The following HTR2C variants were observed in gnomAD, a reference collection of about 807,000 sequenced individuals.
The protein encoded by HTR2C is 5-hydroxytryptamine (serotonin) receptor 2C, G protein-coupled.
HTR2C carries 5 observed loss-of-function variants against 21.0 expected under a neutral mutation model. That is an observed-to-expected ratio of 0.24 (90% CI 0.12 to 0.50). The LOEUF (loss-of-function observed/expected upper bound fraction) is 0.50. Ranked by LOEUF, HTR2C falls within the 20% of genes least tolerant of loss-of-function variation. The pLI is 0.98. For missense variants in HTR2C, 271 were observed against 371.2 expected, an observed-to-expected ratio of 0.73 and a Z score of 2.22; for synonymous variants, 150 against 145.3, an observed-to-expected ratio of 1.03 and a Z score of -0.23.
chrX:114,761,006 T>C (rs1428138565), intron 4 of HTR2C, among the ~76,000 whole-genome samples: 1 of 112,002 alleles, frequency 8.9e-6, no homozygotes, highest in Non-Finnish European at 1.9e-5. Context: ...GGTTACTTTG[T>C]TATGGAAATG....
At chrX:114,852,781 G>A (rs1214654207) in intron 5 of HTR2C, among the ~76,000 whole-genome samples, 1 of 110,178 alleles carries the variant, frequency 9.1e-6, no homozygotes, top group African/African-American at 3.3e-5. Context: ...GTGTGTGTGT[G>A]TGTGTGTGTG....
At position 114,879,027 on chromosome X, in the gene HTR2C, T is replaced by C. The variant is rs1462823069; in HGVS notation, c.551-27562T>C. ...TGTTCATAGTACTATTTAGGTTTAT[T>C]ATATATTTTTTACTTTTCTGTCTTC... On this transcript the variant is annotated intron_variant, in intron 5 of 5. Coordinates refer to ENST00000276198, the MANE Select transcript of HTR2C (RefSeq NM_000868.4). Among the ~76,000 whole-genome samples, 8 of 110,296 alleles carry C rather than the reference T, an allele frequency of 7.3e-5. No individual in the cohort carries two copies. The Admixed American group carries it at 7.8e-4, about 11-fold the overall frequency.
intron 4 of HTR2C, among the ~76,000 whole-genome samples, chrX:114,811,448 G>T (rs1483242750): frequency 8.9e-6 from 1 of 111,872 alleles, no homozygotes; most frequent in Non-Finnish European, 1.9e-5. Flanking sequence ...AATGTTCAAA[G>T]AACATATAGA....
At chrX:114,803,624 G>C (rs1156311455) in intron 4 of HTR2C, among the ~76,000 whole-genome samples, 1 of 102,176 alleles carries the variant, frequency 9.8e-6, no homozygotes, top group African/African-American at 3.5e-5. Context: ...TGTAGATTCT[G>C]GATATTAGCC....
chrX:114,892,349 A>C (rs2071264704), intron 5 of HTR2C, among the ~76,000 whole-genome samples: 1 of 111,911 alleles, frequency 8.9e-6, no homozygotes, highest in South Asian at 3.7e-4. Flanking sequence ...TAGTTACCTT[A>C]GTAGATGAAG....
intron 5 of HTR2C, among the ~76,000 whole-genome samples, chrX:114,868,301 A>G (rs868967254): frequency 9.0e-6 from 1 of 110,903 alleles, no homozygotes; most frequent in African/African-American, 3.3e-5. Context: ...TTTTTAGATA[A>G]TAATTTCTTT....
intron 2 of HTR2C, among the ~76,000 whole-genome samples, chrX:114,629,832 G>A (rs1184850819): frequency 9.0e-6 from 1 of 110,932 alleles, no homozygotes; most frequent in African/African-American, 3.3e-5. Flanking sequence ...ATTTGGTAAG[G>A]CAGCATACCA....
chrX:114,756,626 C>A (rs1423378491), intron 4 of HTR2C, among the ~76,000 whole-genome samples: 2 of 111,965 alleles, frequency 1.8e-5, no homozygotes, highest in African/African-American at 6.5e-5. Flanking sequence ...ATTTCTATGA[C>A]AAAATTATAG....
At chrX:114,775,631 T>A in intron 4 of HTR2C, 1 of 501,141 alleles carries the variant, frequency 2.0e-6, no homozygotes, top group South Asian at 2.6e-5. Flanking sequence ...GTTTTCAGAT[T>A]TGTCTCCAGA....
rs782518357 is a variant in HTR2C at position 114,611,616 on chromosome X, A to G, written c.-146-2199A>G. 2.7e-5 allele frequency among the ~76,000 whole-genome samples: 3 copies of G among 112,861 alleles called. No homozygotes were observed. In the South Asian group the frequency reaches 1.1e-3, roughly 40 times the overall value. On this transcript the variant is annotated intron_variant, in intron 1 of 5. Transcript: ENST00000276198. ...TCAATAAATCTGTGCTGTAAAAGAG[A>G]CAAAAAATGTTGGTTCAAATTTATA... is the stretch of plus-strand genomic sequence containing the variant.
At chrX:114,677,359 C>A (rs782102893) in intron 2 of HTR2C, among the ~76,000 whole-genome samples, 1 of 110,966 alleles carries the variant, frequency 9.0e-6, no homozygotes, top group Non-Finnish European at 1.9e-5. Context: ...AAGGAAGAGA[C>A]AGATTCAGAC....
intron 4 of HTR2C, among the ~76,000 whole-genome samples, chrX:114,803,729 C>G (rs6579505): frequency 9.5e-6 from 1 of 105,428 alleles, no homozygotes; most frequent in Non-Finnish European, 2.0e-5. Context: ...AGAAGCTCTT[C>G]AGTTTAATTA....
chrX:114,739,104 T>TA (rs1450360141), intron 4 of HTR2C, among the ~76,000 whole-genome samples: 6 of 111,053 alleles, frequency 5.4e-5, no homozygotes, highest in Non-Finnish European at 7.5e-5. Flanking sequence ...GCTTTTTTGA[T>TA]AAAAATCCCT....
rs1556438783 is a variant in HTR2C, at chrX:114,776,697, C to T, written c.349+45090C>T. On this transcript the variant is annotated intron_variant, in intron 4 of 5. Coordinates refer to ENST00000276198, the MANE Select transcript of HTR2C (RefSeq NM_000868.4). Reference sequence around the variant, plus strand: ...TTTCCCTGATCATTGGTAATTATCTCTACTTTTCCATGCTGGAAAACACCC... The same window carrying T: ...TTTCCCTGATCATTGGTAATTATCTTTACTTTTCCATGCTGGAAAACACCC... 1.7e-5 allele frequency: 8 copies of T among 465,635 alleles called. No individual in the cohort carries two copies. The Admixed American group carries it at 2.0e-4, about 11-fold the overall frequency. The allele number at this position is 465,635 out of a possible 1,213,427, so 38.4% of individuals were successfully genotyped here.
chrX:114,616,193 T>C (rs1928940905), intron 2 of HTR2C, among the ~76,000 whole-genome samples: 1 of 111,417 alleles, frequency 9.0e-6, no homozygotes, highest in Non-Finnish European at 1.9e-5. Flanking sequence ...TTTATTGTAA[T>C]GTGTATACAT....
chrX:114,840,472 A>G (rs1170333284), intron 4 of HTR2C, among the ~76,000 whole-genome samples: 1 of 111,448 alleles, frequency 9.0e-6, no homozygotes, highest in African/African-American at 3.3e-5. Context: ...ATCGTCCGAA[A>G]TTAAGATCAG....
chrX:114,889,930 A>C lies in HTR2C; in HGVS notation c.551-16659A>C, dbSNP rs140969646. On this transcript the variant is annotated intron_variant, in intron 5 of 5. Transcript: ENST00000276198. Reference sequence around the variant, plus strand: ...ATATTGAGACAATTATCTTGAATGAATGTTTCCCATGTTGCTGCAAGTTTT... The same window carrying C: ...ATATTGAGACAATTATCTTGAATGACTGTTTCCCATGTTGCTGCAAGTTTT... Among the ~76,000 whole-genome samples, 835 of 111,396 alleles carry C rather than the reference A, an allele frequency of 7.5e-3. 3 individuals carry two copies. Among genetic ancestry groups the C allele is most frequent in the Non-Finnish European group, 0.013 (667 of 53,073 alleles).
chrX:114,723,062 A>G (rs782324054), intron 2 of HTR2C, among the ~76,000 whole-genome samples: 179 of 110,823 alleles, frequency 1.6e-3, no homozygotes, highest in Middle Eastern at 4.6e-3. Context: ...CTCTTTTTCT[A>G]TTGATTGGAA....
chrX:114,729,429 G>A (rs1414081675), intron 3 of HTR2C, among the ~76,000 whole-genome samples: 1 of 111,641 alleles, frequency 9.0e-6, no homozygotes, highest in East Asian at 2.8e-4. Context: ...AAAAATTACT[G>A]AAGTCAGATA....
Sources: gnomAD v4.1 joint callset for allele counts (sites outside exome capture counted in the v4.1 genomes callset) on GRCh38, gnomAD v4.1.1 for gene constraint, MANE v1.5 for transcripts, NCBI Gene and HGNC (gene_info 2026-07-23, HGNC 2026-07-21) for gene names.